Variants in KDM6A observed in about 807,000 individuals in gnomAD.
KDM6A encodes lysine demethylase 6A, also known as lysine-specific demethylase 6A.
In KDM6A, 11 loss-of-function variants were observed where a neutral mutation model predicts 117.6. The observed-to-expected ratio is 0.09, with a 90% CI of 0.06 to 0.15. KDM6A has a LOEUF of 0.15. Among genes scored for constraint, KDM6A ranks in the 10% least tolerant of loss-of-function variants. The pLI is 1.00. For synonymous variants in KDM6A, 384 were observed against 396.1 expected, an observed-to-expected ratio of 0.97 and a Z score of 0.36; for missense variants, 799 against 1,077.3, an observed-to-expected ratio of 0.74 and a Z score of 3.62.
chrX:44,973,642 GGAA>G (rs1285819638), intron 3 of KDM6A, among the ~76,000 whole-genome samples: 1 of 110,168 alleles, frequency 9.1e-6, no homozygotes. Flanking sequence ...TTCTTTTCTG[GGAA>G]TATTTTTGGA....
chrX:45,091,540 T>C lies in KDM6A; in HGVS notation c.4034+676T>C, dbSNP rs143822273. 6.0e-3 allele frequency among the ~76,000 whole-genome samples: 668 copies of C among 111,817 alleles called. 5 individuals carry two copies. Among genetic ancestry groups the C allele is most frequent in the African/African-American group, 0.02 (628 of 30,844 alleles). ...AGATGGGGAATTCTGGCTATGGAAA[T>C]ATGGGAAATGATAGATTAAAGTTCA... On this transcript the variant is annotated intron_variant, in intron 27 of 29. Coordinates refer to ENST00000611820, the MANE Select transcript of KDM6A (RefSeq NM_001291415.2).
At chrX:45,105,203 T>G (rs2046482111) in intron 27 of KDM6A, among the ~76,000 whole-genome samples, 1 of 111,666 alleles carries the variant, frequency 9.0e-6, no homozygotes, top group Non-Finnish European at 1.9e-5. Flanking sequence ...TGAGATTTTC[T>G]TTTAAAAACT....
chrX:45,063,500 A>G lies in KDM6A; in HGVS notation c.1762A>G (p.Asn588Asp). Residue 588 changes from asparagine (N) to aspartate (D), a missense_variant, in exon 17 of 30, where the codon AAC becomes GAC. Around this residue, in one of 8 missense-constraint regions of KDM6A, gnomAD observed 301 missense variants for 318.3 expected, o/e 0.95. Transcript: ENST00000611820. ...AACAGCTGACTCATCACTGCCTACA[A>G]ACTCAGTCTCTGGCCAGCAGCCACA... The part of the protein sequence containing the change: ...GPTADSSLPT[N>D]SVSGQQPQLA... 8.3e-7 allele frequency: 1 copy of G among 1,210,639 alleles called. No individual in the cohort carries two copies. Among genetic ancestry groups the G allele is most frequent in the Non-Finnish European group, 1.1e-6 (1 of 895,122 alleles).
chrX:45,003,995 CTT>C (rs745965289), intron 4 of KDM6A, among the ~76,000 whole-genome samples: 1 of 106,650 alleles, frequency 9.4e-6, no homozygotes, highest in East Asian at 3.0e-4. Flanking sequence ...TCTCCCCTCT[CTT>C]TCCCCTTTTA....
intron 28 of KDM6A, among the ~76,000 whole-genome samples, chrX:45,109,138 T>TAATAAATA (rs1174868830): frequency 1.6e-4 from 15 of 91,554 alleles, no homozygotes; most frequent in African/African-American, 5.2e-4. Flanking sequence ...ATAATAATAA[T>TAATAAATA]AATAAATAAA....
chrX:44,873,765 T>A, intron 1 of KDM6A, 53 bp downstream of exon 1: 1 of 1,155,654 alleles, frequency 8.7e-7, no homozygotes, highest in Non-Finnish European at 1.2e-6. Flanking sequence ...GTAGCCGCTC[T>A]CCCGGGAGGA....
chrX:45,006,787 A>G (rs759061671), intron 4 of KDM6A, among the ~76,000 whole-genome samples: 10 of 111,295 alleles, frequency 9.0e-5, no homozygotes, highest in Middle Eastern at 4.6e-3. Flanking sequence ...CTCATATCTA[A>G]CAGCATGGTG....
chrX:45,037,122 A>G (rs770537960), intron 7 of KDM6A, among the ~76,000 whole-genome samples: 6 of 112,510 alleles, frequency 5.3e-5, no homozygotes, highest in Non-Finnish European at 1.1e-4. Context: ...TAGAGTACCT[A>G]CTTTGAGCCA....
chrX:45,020,787 T>G, intron 6 of KDM6A, 57 bp downstream of exon 6: 1 of 1,162,914 alleles, frequency 8.6e-7, no homozygotes, highest in Non-Finnish European at 1.2e-6. Flanking sequence ...TTTTTGTTTT[T>G]GTTTTTCTTA....
At chrX:45,030,561 G>A (rs959521318) in intron 6 of KDM6A, among the ~76,000 whole-genome samples, 2 of 108,176 alleles carry the variant, frequency 1.8e-5, no homozygotes, top group Admixed American at 2.0e-4. Context: ...AAACTTAGCC[G>A]TTTTCAGTTC....
chrX:44,934,674 G>T (rs996732306), intron 2 of KDM6A, among the ~76,000 whole-genome samples: 2 of 111,394 alleles, frequency 1.8e-5, no homozygotes, highest in Non-Finnish European at 3.8e-5. Context: ...GCCCATTAGA[G>T]GAATTTCTGA....
intron 15 of KDM6A, among the ~76,000 whole-genome samples, chrX:45,061,653 C>T (rs1038977405): frequency 9.3e-6 from 1 of 107,944 alleles, no homozygotes; most frequent in African/African-American, 3.4e-5. Context: ...CATCACACCC[C>T]GCTAATTTTT....
At position 45,063,549 on chromosome X, in the gene KDM6A, G is replaced by C. The variant is rs1288512324; in HGVS notation, c.1811G>C (p.Ser604Thr). 5 of 1,209,795 alleles carry C rather than the reference G, an allele frequency of 4.1e-6. No individual in the cohort carries two copies. The highest frequency in any genetic ancestry group is 4.4e-5 in the Admixed American group (2 of 45,731). The change falls in exon 17 of 30, where the codon AGC (serine) becomes ACC (threonine). Residue 604 changes from serine (S) to threonine (T), a missense_variant. Ser to Thr is a moderately conservative substitution (Grantham distance 58). This residue lies in a region of KDM6A where 301 missense variants were observed against 318.3 expected (regional missense o/e 0.95). Coordinates refer to ENST00000611820, the MANE Select transcript of KDM6A (RefSeq NM_001291415.2). ...QPQLALTRVP[S>T]VSQPGVRPAC... ...CAGCTTGCTCTGACCAGAGTGCCTA[G>C]CGTCTCTCAGCCTGGAGTCCGTCCT...
At chrX:44,903,363 T>C (rs1285499127) in intron 2 of KDM6A, among the ~76,000 whole-genome samples, 1 of 112,200 alleles carries the variant, frequency 8.9e-6, no homozygotes, top group Non-Finnish European at 1.9e-5. Flanking sequence ...GTCACTTCTT[T>C]CGTGTTTTCA....
At chrX:44,936,664 AAG>A (rs1489875082) in intron 2 of KDM6A, among the ~76,000 whole-genome samples, 1 of 112,326 alleles carries the variant, frequency 8.9e-6, no homozygotes, top group African/African-American at 3.2e-5. Flanking sequence ...CATATGCACA[AAG>A]AGAGATCTTG....
intron 2 of KDM6A, among the ~76,000 whole-genome samples, chrX:44,925,307 CT>C (rs1295923416): frequency 9.0e-6 from 1 of 111,157 alleles, no homozygotes; most frequent in Non-Finnish European, 1.9e-5. Context: ...CTACCTTTGC[CT>C]TTGTGTCGGA....
intron 4 of KDM6A, among the ~76,000 whole-genome samples, chrX:44,976,130 G>A (rs1272254253): frequency 1.8e-5 from 2 of 111,536 alleles, no homozygotes; most frequent in Non-Finnish European, 3.8e-5. Flanking sequence ...GAGCTAAGGG[G>A]CAAAAAATCC....
intron 2 of KDM6A, among the ~76,000 whole-genome samples, chrX:44,908,261 C>G (rs923767469): frequency 1.8e-5 from 2 of 111,645 alleles, no homozygotes; most frequent in African/African-American, 3.3e-5. Context: ...GTTGTCTTCT[C>G]TCCCTTTCTG....
chrX:44,979,221 C>G (rs748642960), intron 4 of KDM6A, among the ~76,000 whole-genome samples: 11 of 112,102 alleles, frequency 9.8e-5, no homozygotes, highest in Admixed American at 1.9e-4. Context: ...TTCGTTAGCA[C>G]TTGGTATTGT....
Sources: gnomAD v4.1 joint callset for allele counts (sites outside exome capture counted in the v4.1 genomes callset) on GRCh38, gnomAD v4.1.1 for gene constraint, gnomAD v4.1.1 regional missense constraint, MANE v1.5 for transcripts, NCBI Gene and HGNC (gene_info 2026-07-23, HGNC 2026-07-21) for gene names.